BRD7: variants seen among roughly 807,000 people sequenced by gnomAD.
BRD7 encodes the protein bromodomain containing 7, also known as bromodomain-containing protein 7.
Under a neutral mutation model 82.1 loss-of-function variants are expected in BRD7, and 15 were observed. The observed-to-expected ratio is 0.18, with a 90% CI of 0.12 to 0.28. The LOEUF (loss-of-function observed/expected upper bound fraction) is 0.28. BRD7 is among the 10% of genes least tolerant of loss of function. The pLI is 1.00. For synonymous variants in BRD7, 232 were observed against 266.9 expected (o/e 0.87, Z 1.27); for missense variants, 638 against 779.9 (o/e 0.82, Z 2.17).
rs2039150649 is a variant in BRD7 at position 50,366,526 on chromosome 16, G to A, written c.258+1564C>T. On this transcript the variant is annotated intron_variant, in intron 2 of 16. Coordinates refer to ENST00000394688, the MANE Select transcript of BRD7 (RefSeq NM_013263.5). The stretch of plus-strand genomic sequence containing the variant: ...AGATCTATATTTGCATACTATACTT[G>A]TCTACAATCACTTTAATATTGATTT... Among the ~76,000 whole-genome samples, 3 of 152,200 alleles carry A rather than the reference G, an allele frequency of 2.0e-5. No individual in the cohort carries two copies. The South Asian group carries it at 6.2e-4, about 31-fold the overall frequency.
At chr16:50,350,311 A>G (rs2038465110) in intron 4 of BRD7, 144 bp from the exon 5 acceptor site, 1 of 570,700 alleles carries the variant, frequency 1.8e-6, no homozygotes, top group African/African-American at 2.0e-5. Context: ...AAACTGAAGA[A>G]ATGATTTTAA....
At chr16:50,363,659 G>C (rs954909265) in intron 2 of BRD7, among the ~76,000 whole-genome samples, 7 of 54,872 alleles carry the variant, frequency 1.3e-4, no homozygotes, top group African/African-American at 2.9e-4. Context: ...GTGTGTGTGT[G>C]TGCGCGCGCG....
intron 2 of BRD7, among the ~76,000 whole-genome samples, chr16:50,364,785 G>T (rs955198233): frequency 1.3e-5 from 2 of 152,098 alleles, no homozygotes; most frequent in Non-Finnish European, 2.9e-5. Flanking sequence ...CATAAGTATG[G>T]TATATCCATA....
chr16:50,343,437 G>T (rs1388121476), intron 5 of BRD7, among the ~76,000 whole-genome samples: 1 of 152,186 alleles, frequency 6.6e-6, no homozygotes, highest in Non-Finnish European at 1.5e-5. Flanking sequence ...TGAGGTACTG[G>T]GTTCATCTCA....
chr16:50,365,566 A>AG (rs943926971), intron 2 of BRD7, among the ~76,000 whole-genome samples: 7 of 152,234 alleles, frequency 4.6e-5, no homozygotes, highest in Non-Finnish European at 7.3e-5. Flanking sequence ...AAAACTTAGG[A>AG]GAAAAAAACA....
rs1372855008 is a variant in BRD7, at chr16:50,323,670, C to T, written c.1360G>A (p.Asp454Asn). 1 of 1,613,846 alleles carries T rather than the reference C, an allele frequency of 6.2e-7. No homozygotes were observed. Among genetic ancestry groups the T allele is most frequent in the East Asian group, 2.2e-5 (1 of 44,882 alleles). Residue 454 changes from aspartate to asparagine, a missense_variant, in exon 12 of 17, where the codon GAT becomes AAT. Physicochemically the swap from Asp to Asn is conservative, Grantham distance 23. Around this residue, in one of 3 missense-constraint regions of BRD7, gnomAD observed 402 missense variants for 500.8 expected, o/e 0.80. Coordinates refer to ENST00000394688, the MANE Select transcript of BRD7 (RefSeq NM_013263.5). Reference protein sequence around the residue: ...SIHEFLATCQDYPYVMADSLL... With the variant: ...SIHEFLATCQNYPYVMADSLL... Reference sequence around the variant, plus strand: ...CTATCTGCCATGACATACGGATAATCTTGGCACGTGGCCAAAAACTCATGG... The same window carrying T: ...CTATCTGCCATGACATACGGATAATTTTGGCACGTGGCCAAAAACTCATGG...
intron 4 of BRD7, among the ~76,000 whole-genome samples, chr16:50,353,094 G>T (rs2038601319): frequency 7.1e-6 from 1 of 140,466 alleles, no homozygotes; most frequent in African/African-American, 2.6e-5. Context: ...TTTTAGAAAA[G>T]ATCTCATTCT....
chr16:50,357,579 G>C (rs546137445), intron 2 of BRD7, among the ~76,000 whole-genome samples: 4 of 152,270 alleles, frequency 2.6e-5, no homozygotes, highest in Admixed American at 2.6e-4. Flanking sequence ...AATGTGACCT[G>C]TGAAGAAAGG....
intron 9 of BRD7, among the ~76,000 whole-genome samples, chr16:50,328,219 A>C (rs1022847894): frequency 1.3e-5 from 2 of 152,230 alleles, no homozygotes; most frequent in African/African-American, 4.8e-5. Context: ...GACTATAGTG[A>C]AAGATACGAT....
chr16:50,326,062 C>T (rs1325570229), intron 10 of BRD7, among the ~76,000 whole-genome samples, 179 bp from the exon 11 acceptor site: 1 of 152,142 alleles, frequency 6.6e-6, no homozygotes, highest in African/African-American at 2.4e-5. Context: ...GAATTCTTCC[C>T]TACAAGGGAG....
In BRD7 at chr16:50,317,619, T is replaced by TAATA. The variant is rs1365628491; in HGVS notation, c.*1588_*1591dup. 1 of 152,354 alleles carries TAATA rather than the reference T, an allele frequency of 6.6e-6. No homozygotes were observed. The highest frequency in any genetic ancestry group is 1.9e-4 in the East Asian group (1 of 5,340). The allele number at this position is 152,354 out of a possible 1,614,324, so 9.4% of individuals were successfully genotyped here. A position where few individuals can be genotyped will look rare whatever the true frequency, so the allele number is the denominator to read the frequency against. ...AAAGCACTGTGCTGTGCTCAGATAA[T>TAATA]AATAGTTTGTAAGTAAAAGTTTTTA... is the stretch of plus-strand genomic sequence containing the variant. On this transcript the variant is annotated 3_prime_UTR_variant, in exon 17 of 17. Transcript: ENST00000394688.
chr16:50,336,509 C>A (rs1372134215), intron 6 of BRD7, among the ~76,000 whole-genome samples: 5 of 152,132 alleles, frequency 3.3e-5, no homozygotes, highest in Non-Finnish European at 5.9e-5. Context: ...TTGCAGTGAG[C>A]CGAGATTGCG....
At chr16:50,357,663 TGG>T (rs1161298038) in intron 2 of BRD7, among the ~76,000 whole-genome samples, 1 of 152,142 alleles carries the variant, frequency 6.6e-6, no homozygotes, top group African/African-American at 2.4e-5. Flanking sequence ...AGTCTAGAAC[TGG>T]GGCCAGCAAA....
intron 5 of BRD7, among the ~76,000 whole-genome samples, chr16:50,345,935 G>C (rs1460635240): frequency 6.6e-6 from 1 of 152,162 alleles, no homozygotes; most frequent in African/African-American, 2.4e-5. Context: ...GACATCTACA[G>C]AACTCTCCAC....
intron 9 of BRD7, among the ~76,000 whole-genome samples, chr16:50,327,538 T>C (rs145763923): frequency 2.0e-5 from 3 of 152,368 alleles, no homozygotes; most frequent in African/African-American, 7.2e-5. Context: ...CCTTTTCTTC[T>C]ATTACTGTTC....
intron 4 of BRD7, among the ~76,000 whole-genome samples, chr16:50,353,404 T>G (rs1261095067): frequency 6.6e-6 from 1 of 152,058 alleles, no homozygotes; most frequent in Non-Finnish European, 1.5e-5. Context: ...AGGCATTGAA[T>G]ACAGATTACA....
intron 2 of BRD7, among the ~76,000 whole-genome samples, chr16:50,363,178 A>G (rs796265390): frequency 1.1e-4 from 17 of 152,354 alleles, no homozygotes; most frequent in African/African-American, 4.1e-4. Context: ...TCATTTTATC[A>G]ATTAACAGCC....
intron 8 of BRD7, among the ~76,000 whole-genome samples, chr16:50,330,789 G>T (rs2037532095): frequency 6.6e-6 from 1 of 151,724 alleles, no homozygotes; most frequent in East Asian, 1.9e-4. Flanking sequence ...AGTAATCCTT[G>T]GTAAATAAAA....
chr16:50,354,375 C>A, intron 4 of BRD7, 50 bp downstream of exon 4: 1 of 1,467,504 alleles, frequency 6.8e-7, no homozygotes, highest in Non-Finnish European at 9.5e-7. Context: ...GGATCCTACA[C>A]ATCTACCATT....
Sources: gnomAD v4.1 joint callset for allele counts (sites outside exome capture counted in the v4.1 genomes callset) on GRCh38, gnomAD v4.1.1 for gene constraint, gnomAD v4.1.1 regional missense constraint, MANE v1.5 for transcripts, NCBI Gene and HGNC (gene_info 2026-07-23, HGNC 2026-07-21) for gene names.